LYST: variants seen among roughly 807,000 people sequenced by gnomAD.
The protein encoded by LYST is lysosomal trafficking regulator.
A neutral mutation model predicts 413.6 loss-of-function variants in LYST; 192 were observed. The observed-to-expected ratio is 0.46, with a 90% CI of 0.41 to 0.52. The LOEUF is 0.52. Among genes scored for constraint, LYST ranks in the 20% least tolerant of loss-of-function variants. The pLI, the probability that LYST is intolerant of heterozygous loss-of-function variation, is 0.00. For synonymous variants in LYST, 1,525 were observed against 1,567.3 expected, an observed-to-expected ratio of 0.97 and a Z score of 0.64; for missense variants, 3,815 against 4,499.9, an observed-to-expected ratio of 0.85 and a Z score of 4.35.
At chr1:235,774,648 A>G (rs190467814) in intron 18 of LYST, among the ~76,000 whole-genome samples, 1 of 152,296 alleles carries the variant, frequency 6.6e-6, no homozygotes, top group Admixed American at 6.5e-5. Context: ...AGCATGGGAG[A>G]TATCTATGGC....
At chr1:235,764,582 C>T (rs550784240) in intron 21 of LYST, among the ~76,000 whole-genome samples, 3 of 150,332 alleles carry the variant, frequency 2.0e-5, no homozygotes, top group South Asian at 4.2e-4. Flanking sequence ...TAACTGCAAC[C>T]ACCGCTTCCC....
At chr1:235,857,482 T>C (rs1205436122) in intron 1 of LYST, among the ~76,000 whole-genome samples, 1 of 151,976 alleles carries the variant, frequency 6.6e-6, no homozygotes, top group African/African-American at 2.4e-5. Flanking sequence ...ATAGGTGGTA[T>C]ATGAAAGCTT....
At chr1:235,738,900 G>T (rs2103246540) in intron 31 of LYST, 1 of 738,244 alleles carries the variant, frequency 1.4e-6, no homozygotes, top group South Asian at 1.4e-5. Context: ...CTCAGACCGT[G>T]TGAAGGTGAC....
chr1:235,677,350 T>A, intron 49 of LYST, 130 bp downstream of exon 49: 2 of 1,156,240 alleles, frequency 1.7e-6, no homozygotes, highest in Non-Finnish European at 2.6e-6. Context: ...GTAATCTTAC[T>A]ACCTTTAAGC....
At chr1:235,695,053 A>G (rs1051197625) in intron 46 of LYST, among the ~76,000 whole-genome samples, 5 of 152,192 alleles carry the variant, frequency 3.3e-5, no homozygotes, top group Non-Finnish European at 7.3e-5. Flanking sequence ...CCTCTCTAGA[A>G]TGTCTATGTG....
chr1:235,716,926 C>G (rs1372980546), intron 40 of LYST, 148 bp from the exon 41 acceptor site: 5 of 565,282 alleles, frequency 8.8e-6, no homozygotes, highest in East Asian at 2.9e-5. Context: ...TTGTAACTAA[C>G]AGTCACCATT....
At chr1:235,806,986 G>T (rs1165424652) in intron 5 of LYST, among the ~76,000 whole-genome samples, 1 of 152,070 alleles carries the variant, frequency 6.6e-6, no homozygotes, top group African/African-American at 2.4e-5. Context: ...TCAAACATTT[G>T]TATATATGGC....
At chr1:235,812,882 A>T in intron 4 of LYST, 89 bp downstream of exon 4, 1 of 790,436 alleles carries the variant, frequency 1.3e-6, no homozygotes, top group Non-Finnish European at 2.2e-6. Flanking sequence ...AGTGTTCTGA[A>T]TCTGAATCAG....
chr1:235,751,655 C>T (rs373836609), intron 27 of LYST, among the ~76,000 whole-genome samples: 13 of 152,048 alleles, frequency 8.5e-5, no homozygotes, highest in South Asian at 6.2e-4. Flanking sequence ...AAAGTTTAAC[C>T]GGCAATTATC....
intron 24 of LYST, among the ~76,000 whole-genome samples, chr1:235,757,018 T>C (rs971074225): frequency 6.6e-6 from 1 of 152,068 alleles, no homozygotes; most frequent in African/African-American, 2.4e-5. Flanking sequence ...GACATATTGA[T>C]ATGAACCAAC....
intron 1 of LYST, among the ~76,000 whole-genome samples, chr1:235,877,457 G>C (rs1681187592): frequency 6.6e-6 from 1 of 152,174 alleles, no homozygotes; most frequent in Non-Finnish European, 1.5e-5. Context: ...GCCCAGGCTG[G>C]AGTGCAATGA....
At position 235,808,473 on chromosome 1, in the gene LYST, G is replaced by A. The variant is rs1381995757; in HGVS notation, c.2345C>T (p.Pro782Leu). 1 of 1,613,356 alleles carries A rather than the reference G, an allele frequency of 6.2e-7. No homozygotes were observed. The change falls in exon 5 of 53, where the codon CCT (proline) becomes CTT (leucine). Residue 782 changes from proline to leucine, a missense_variant. Coordinates refer to ENST00000389793, the MANE Select transcript of LYST (RefSeq NM_000081.4). ...DVLQIYVKTL[P>L]ILLKSRVIRD... is the part of the protein sequence containing the mutation. ...TACAAACCTGGATTTAAGCAGGATA[G>A]GCAGAGTTTTTACATAAATCTGAAG...
At chr1:235,737,959 G>A in intron 31 of LYST, 1,171 of 1,295,712 alleles carry the variant, frequency 9.0e-4, no homozygotes, top group Admixed American at 5.8e-3. Flanking sequence ...CGCCGGACGT[G>A]CATTCTCGAT....
intron 19 of LYST, among the ~76,000 whole-genome samples, chr1:235,772,775 C>T (rs1310436291): frequency 6.6e-6 from 1 of 152,120 alleles, no homozygotes; most frequent in African/African-American, 2.4e-5. Context: ...TGACTCTTAG[C>T]AGTCTCCCCT....
At chr1:235,881,891 G>A (rs760234470) in intron 1 of LYST, among the ~76,000 whole-genome samples, 7 of 152,072 alleles carry the variant, frequency 4.6e-5, no homozygotes, top group Non-Finnish European at 8.8e-5. Flanking sequence ...AGTGTTCAAT[G>A]GGTACAAAAT....
At chr1:235,784,638 T>C (rs1453922286) in intron 14 of LYST, among the ~76,000 whole-genome samples, 1 of 152,192 alleles carries the variant, frequency 6.6e-6, no homozygotes, top group Admixed American at 6.5e-5. Flanking sequence ...AAAATTGGGA[T>C]AATAATATAC....
intron 5 of LYST, among the ~76,000 whole-genome samples, chr1:235,807,655 A>G (rs1673016121): frequency 6.6e-6 from 1 of 152,340 alleles, no homozygotes; most frequent in East Asian, 1.9e-4. Context: ...CTAAAATGGT[A>G]TATGCATTAA....
chr1:235,820,906 G>A (rs1198739745), intron 3 of LYST, among the ~76,000 whole-genome samples: 1 of 152,072 alleles, frequency 6.6e-6, no homozygotes, highest in African/African-American at 2.4e-5. Flanking sequence ...TATAGCTGCA[G>A]CTAAAAACAA....
chr1:235,670,613 A>G (rs1338829976), intron 50 of LYST, among the ~76,000 whole-genome samples: 6 of 152,318 alleles, frequency 3.9e-5, no homozygotes, highest in African/African-American at 1.4e-4. Context: ...AGGCCTACAG[A>G]TGCCATGGTG....
Sources: allele counts gnomAD v4.1 joint callset (sites outside exome capture counted in the v4.1 genomes callset), GRCh38; gene constraint gnomAD v4.1.1; transcripts MANE v1.5; gene names NCBI Gene and HGNC (gene_info 2026-07-23, HGNC 2026-07-21).